Variants in GPC6 observed in about 807,000 individuals in gnomAD.
GPC6 encodes the protein glypican 6.
A neutral mutation model predicts 55.2 loss-of-function variants in GPC6; 14 were observed. The observed-to-expected ratio is 0.25, with a 90% CI of 0.17 to 0.40. The LOEUF (loss-of-function observed/expected upper bound fraction) is 0.40, where lower values mean the gene tolerates loss of function less well. Among genes scored for constraint, GPC6 ranks in the 10% least tolerant of loss-of-function variants. GPC6 has a pLI of 1.00. For synonymous variants in GPC6, 278 were observed against 259.6 expected, an observed-to-expected ratio of 1.07 and a Z score of -0.68; for missense variants, 641 against 708.5, an observed-to-expected ratio of 0.90 and a Z score of 1.08.
chr13:94,340,348 A>T (rs916625868), intron 6 of GPC6, among the ~76,000 whole-genome samples: 2 of 152,188 alleles, frequency 1.3e-5, no homozygotes, highest in African/African-American at 4.8e-5. Context: ...AGAAAAAAAA[A>T]ATCTACCAAT....
At chr13:94,337,852 GT>G (rs1264124989) in intron 6 of GPC6, among the ~76,000 whole-genome samples, 1 of 152,214 alleles carries the variant, frequency 6.6e-6, no homozygotes, top group Admixed American at 6.5e-5. Context: ...CTAGTACACA[GT>G]GAGGCACCTG....
At chr13:93,506,816 G>A (rs1484296739) in intron 1 of GPC6, among the ~76,000 whole-genome samples, 12 of 150,044 alleles carry the variant, frequency 8.0e-5, no homozygotes, top group East Asian at 5.9e-4. Flanking sequence ...CGAGGTGGGC[G>A]GATCGCGATG....
At chr13:94,165,588 C>T (rs1888342469) in intron 4 of GPC6, among the ~76,000 whole-genome samples, 2 of 151,980 alleles carry the variant, frequency 1.3e-5, no homozygotes, top group Non-Finnish European at 2.9e-5. Flanking sequence ...CAAATCACCA[C>T]TAAAGAACTT....
chr13:93,691,991 G>C (rs947852158), intron 2 of GPC6, among the ~76,000 whole-genome samples: 2 of 151,906 alleles, frequency 1.3e-5, no homozygotes, highest in Non-Finnish European at 2.9e-5. Context: ...ATATACAATG[G>C]TTATTTGCAT....
intron 1 of GPC6, among the ~76,000 whole-genome samples, chr13:93,425,977 A>G (rs1403417133): frequency 6.6e-6 from 1 of 152,132 alleles, no homozygotes; most frequent in Non-Finnish European, 1.5e-5. Flanking sequence ...GCAAGATTTA[A>G]TTGAATGTCA....
At chr13:93,463,343 G>T (rs916342089) in intron 1 of GPC6, among the ~76,000 whole-genome samples, 1 of 152,176 alleles carries the variant, frequency 6.6e-6, no homozygotes, top group Admixed American at 6.5e-5. Flanking sequence ...GAAAATGGCC[G>T]TCACAACTCA....
intron 1 of GPC6, among the ~76,000 whole-genome samples, chr13:93,496,921 T>C (rs1880322703): frequency 6.6e-6 from 1 of 152,154 alleles, no homozygotes; most frequent in Non-Finnish European, 1.5e-5. Context: ...AAAATACAGA[T>C]TTATAATTTT....
intron 4 of GPC6, among the ~76,000 whole-genome samples, chr13:94,030,261 G>A (rs1036392587): frequency 6.6e-6 from 1 of 152,028 alleles, no homozygotes. Flanking sequence ...TGCCCGCCTC[G>A]GCCTCCCAAA....
At chr13:93,446,321 T>C (rs1307132436) in intron 1 of GPC6, among the ~76,000 whole-genome samples, 2 of 152,174 alleles carry the variant, frequency 1.3e-5, no homozygotes, top group Non-Finnish European at 2.9e-5. Flanking sequence ...TCTAGGTCTT[T>C]GGCCTGAAAA....
chr13:93,871,588 T>A (rs1889134662), intron 3 of GPC6, among the ~76,000 whole-genome samples: 1 of 151,970 alleles, frequency 6.6e-6, no homozygotes, highest in African/African-American at 2.4e-5. Context: ...TCAGACACAT[T>A]TTGTCTTTTT....
At chr13:93,761,097 A>C (rs1884938684) in intron 2 of GPC6, among the ~76,000 whole-genome samples, 1 of 152,156 alleles carries the variant, frequency 6.6e-6, no homozygotes, top group South Asian at 2.1e-4. Flanking sequence ...ATTTTCATTA[A>C]CCTTTTTTTC....
At chr13:93,364,920 TC>T (rs796270290) in intron 1 of GPC6, among the ~76,000 whole-genome samples, 56 of 152,036 alleles carry the variant, frequency 3.7e-4, no homozygotes, top group African/African-American at 1.2e-3. Context: ...CATTTATGGA[TC>T]CTCCCCATCT....
intron 4 of GPC6, among the ~76,000 whole-genome samples, chr13:94,178,368 G>T (rs896614355): frequency 3.3e-5 from 5 of 152,094 alleles, no homozygotes; most frequent in Non-Finnish European, 5.9e-5. Context: ...ATAATATAAA[G>T]TATGGCAAAT....
chr13:94,378,665 C>T (rs1880013697), intron 6 of GPC6, among the ~76,000 whole-genome samples: 1 of 152,082 alleles, frequency 6.6e-6, no homozygotes, highest in East Asian at 1.9e-4. Flanking sequence ...TCCTATGGAC[C>T]CCAACAGTAT....
At chr13:93,540,068 A>AT (rs947604916) in intron 1 of GPC6, among the ~76,000 whole-genome samples, 2 of 151,792 alleles carry the variant, frequency 1.3e-5, no homozygotes, top group African/African-American at 4.8e-5. Context: ...TACTTGGTCG[A>AT]TTTTTTTTGT....
At chr13:93,883,802 C>T (rs1384509374) in intron 3 of GPC6, among the ~76,000 whole-genome samples, 1 of 152,034 alleles carries the variant, frequency 6.6e-6, no homozygotes, top group Non-Finnish European at 1.5e-5. Context: ...AATAATATAA[C>T]TTGGCTCTCT....
intron 1 of GPC6, among the ~76,000 whole-genome samples, chr13:93,383,471 C>G (rs1875270748): frequency 6.6e-6 from 1 of 152,132 alleles, no homozygotes; most frequent in Admixed American, 6.5e-5. Context: ...CCGGCCTTGC[C>G]CTCCTAAAAT....
At chr13:93,540,336 G>A (rs924818700) in intron 1 of GPC6, among the ~76,000 whole-genome samples, 5 of 152,072 alleles carry the variant, frequency 3.3e-5, no homozygotes, top group African/African-American at 1.2e-4. Flanking sequence ...TATCCATCAA[G>A]CAGCTTAAGA....
At chr13:94,171,463 C>T (rs574087618) in intron 4 of GPC6, among the ~76,000 whole-genome samples, 5 of 152,200 alleles carry the variant, frequency 3.3e-5, no homozygotes, top group South Asian at 2.1e-4. Flanking sequence ...GGTGCATAAG[C>T]GAAGCAGCTT....
Sources: gnomAD v4.1 joint callset for allele counts (sites outside exome capture counted in the v4.1 genomes callset) on GRCh38, gnomAD v4.1.1 for gene constraint, MANE v1.5 for transcripts, NCBI Gene and HGNC (gene_info 2026-07-23, HGNC 2026-07-21) for gene names.